Variants in CFAP20 observed in about 807,000 individuals in gnomAD.
CFAP20 encodes the protein cilia and flagella associated protein 20, also known as cilia- and flagella-associated protein 20.
Under a neutral mutation model 25.5 loss-of-function variants are expected in CFAP20, and 14 were observed. The observed-to-expected ratio is 0.55, with a 90% CI of 0.36 to 0.86. CFAP20 has a LOEUF of 0.86. Among genes scored for constraint, CFAP20 ranks in the 40% least tolerant of loss-of-function variants. The pLI is 0.01. For synonymous variants in CFAP20, 75 were observed against 91.1 expected (o/e 0.82, Z 1.01); for missense variants, 181 against 248.0 (o/e 0.73, Z 1.81).
At chr16:58,119,229 C>T (rs1371606920) in intron 1 of CFAP20, 1 of 152,180 alleles carries the variant, frequency 6.6e-6, no homozygotes, top group Non-Finnish European at 1.5e-5. Flanking sequence ...CCCACCTTTT[C>T]CACAACTGCA....
intron 1 of CFAP20, among the ~76,000 whole-genome samples, chr16:58,126,362 A>C (rs1960610799): frequency 6.6e-6 from 1 of 152,194 alleles, no homozygotes; most frequent in South Asian, 2.1e-4. Context: ...CCGGTGTGAC[A>C]AACACTAACG....
intron 1 of CFAP20, among the ~76,000 whole-genome samples, chr16:58,122,867 CTG>C (rs1960553643): frequency 6.6e-6 from 1 of 152,162 alleles, no homozygotes; most frequent in South Asian, 2.1e-4. Context: ...GCAGAAGACT[CTG>C]GTCTAATATT....
At chr16:58,115,750 A>C in intron 3 of CFAP20, 1 of 527,424 alleles carries the variant, frequency 1.9e-6, no homozygotes, top group South Asian at 2.3e-5. Context: ...AGAAATACTA[A>C]AACAGAACAG....
chr16:58,113,906 A>C lies in CFAP20; in HGVS notation c.*119T>G. 8.3e-7 allele frequency: 1 copy of C among 1,211,624 alleles called. No homozygotes were observed. Among genetic ancestry groups the C allele is most frequent in the Non-Finnish European group, 1.2e-6 (1 of 821,324 alleles). The allele number at this position is 1,211,624 out of a possible 1,614,324, so 75.1% of individuals were successfully genotyped here. On this transcript the variant is annotated 3_prime_UTR_variant, in exon 6 of 6. Transcript: ENST00000262498. ...CCATGACAAGCAACACCAAGTATAA[A>C]TAACAGAACTACAGCAGAGCAAACT... is the stretch of plus-strand genomic sequence containing the variant.
chr16:58,114,589 TC>T (rs1960431368), intron 5 of CFAP20, among the ~76,000 whole-genome samples: 1 of 151,756 alleles, frequency 6.6e-6, no homozygotes, highest in Admixed American at 6.6e-5. Context: ...AAGTGCCTCA[TC>T]CCCTCTCACC....
chr16:58,129,219 CG>C lies in CFAP20; in HGVS notation c.-105del. On this transcript the variant is annotated 5_prime_UTR_variant, in exon 1 of 6. Transcript: ENST00000262498. ...GCACAGCAGCAGGCCGGCCCTGTTC[CG>C]AAGAAGGGTGGTTGAGCTCCTGGCC... is the stretch of plus-strand genomic sequence containing the variant. 7.9e-7 allele frequency: 1 copy of C among 1,258,096 alleles called. No homozygotes were observed. The highest frequency in any genetic ancestry group is 1.1e-6 in the Non-Finnish European group (1 of 897,538). 77.9% of individuals were successfully genotyped at this position (1,258,096 alleles called of 1,614,324 possible). A position where few individuals can be genotyped will look rare whatever the true frequency, so the allele number is the denominator to read the frequency against.
In CFAP20 at chr16:58,116,953, T is replaced by C; in HGVS notation, c.85-2A>G. On this transcript the variant is annotated splice_acceptor_variant, in intron 1 of 5. Coordinates refer to ENST00000262498, the MANE Select transcript of CFAP20 (RefSeq NM_013242.3). LOFTEE classifies it high-confidence loss of function. ...TCTTTTGATGTGGCCATTCCGTACC[T>C]ACAAGAAAGAAAATTCGATTAGTAC... 6.2e-7 allele frequency: 1 copy of C among 1,613,526 alleles called. No individual in the cohort carries two copies. Among genetic ancestry groups the C allele is most frequent in the Non-Finnish European group, 8.5e-7 (1 of 1,179,460 alleles).
At position 58,114,775 on chromosome 16, in the gene CFAP20, A is replaced by G. The variant is rs756085130; in HGVS notation, c.576+35T>C. The G allele has an allele frequency of 8.5e-6, 13 of 1,532,922 alleles. No individual in the cohort carries two copies. In the African/African-American group the frequency reaches 1.8e-4, roughly 21 times the overall value. The allele number at this position is 1,532,922 out of a possible 1,614,324, so 95.0% of individuals were successfully genotyped here. Reference sequence around the variant, plus strand: ...TCCAGGAACACAGCTCCCCCCACTCACTGGTGGACCTTCCTCTGGGGAAGA... The same window carrying G: ...TCCAGGAACACAGCTCCCCCCACTCGCTGGTGGACCTTCCTCTGGGGAAGA... On this transcript the variant is annotated intron_variant, in intron 5 of 5. Transcript: ENST00000262498.
At chr16:58,128,173 C>T (rs1180622420) in intron 1 of CFAP20, among the ~76,000 whole-genome samples, 1 of 152,114 alleles carries the variant, frequency 6.6e-6, no homozygotes, top group Non-Finnish European at 1.5e-5. Flanking sequence ...TAATAAAATG[C>T]AGACCAATTC....
chr16:58,115,182 C>T lies in CFAP20; in HGVS notation c.465+87G>A, dbSNP rs759544841. On this transcript the variant is annotated intron_variant, in intron 4 of 5. Transcript: ENST00000262498. ...TGGCAACTGAAGCCAGAAACCCACACTGTTCTGCTATGTGGGCCACAAGCC... is the reference window on the plus strand; with the variant it reads ...TGGCAACTGAAGCCAGAAACCCACATTGTTCTGCTATGTGGGCCACAAGCC... The T allele has an allele frequency of 5.8e-6, 9 of 1,542,766 alleles. No homozygotes were observed. In the Admixed American group the frequency reaches 1.3e-4, roughly 23 times the overall value.
At position 58,124,144 on chromosome 16, in the gene CFAP20, AAGCAGGTGCCAG is replaced by A. The variant is rs149666765; in HGVS notation, c.84+4876_84+4887del. 4.9e-4 allele frequency among the ~76,000 whole-genome samples: 75 copies of A among 152,288 alleles called. 2 individuals carry two copies. The East Asian group carries it at 0.014, about 29-fold the overall frequency. On this transcript the variant is annotated intron_variant, in intron 1 of 5. Coordinates refer to ENST00000262498, the MANE Select transcript of CFAP20 (RefSeq NM_013242.3). ...GTGAGTCCCGCCTGGAGAACAAGTG[AAGCAGGTGCCAG>A]AGCATGGGTTATGTGGCCTTAGAGC...
chr16:58,114,108 T>C (rs188242443), intron 5 of CFAP20, 78 bp from the exon 6 acceptor site: 1 of 1,461,546 alleles, frequency 6.8e-7, no homozygotes, highest in Non-Finnish European at 9.6e-7. Context: ...GCCCCCTGCC[T>C]CTGGTGACAC....
rs1328624548 is a variant in CFAP20, at chr16:58,116,083, C to T, written c.234G>A (p.Met78Ile). ...AATACTTCTTCAGGTTTTTGATAAT[C>T]ATGACAAGGAAAGGAAGTTTAATTC... Reference protein sequence around the residue: ...TLGIKLPFLVMIIKNLKKYFT... With the variant: ...TLGIKLPFLVIIIKNLKKYFT... Residue 78 changes from methionine to isoleucine, a missense_variant, in exon 3 of 6, where the codon ATG (methionine) becomes ATA (isoleucine). Transcript: ENST00000262498. 1 of 1,613,732 alleles carries T rather than the reference C, an allele frequency of 6.2e-7. No homozygotes were observed. Among genetic ancestry groups the T allele is most frequent in the Admixed American group, 1.7e-5 (1 of 60,010 alleles).
At chr16:58,129,001 C>G in intron 1 of CFAP20, 31 bp downstream of exon 1, 1 of 1,605,144 alleles carries the variant, frequency 6.2e-7, no homozygotes, top group Non-Finnish European at 8.5e-7. Flanking sequence ...GCAGCCCCTC[C>G]ACCCCGCCCC....
At chr16:58,115,694 G>A (rs573662564) in intron 3 of CFAP20, 3 of 582,928 alleles carry the variant, frequency 5.1e-6, no homozygotes, top group African/African-American at 1.9e-5. Context: ...CAGTCAGCAG[G>A]CTCTCAGACC....
chr16:58,123,360 G>C (rs1023153059), intron 1 of CFAP20, among the ~76,000 whole-genome samples: 2 of 146,530 alleles, frequency 1.4e-5, no homozygotes, highest in Admixed American at 6.7e-5. Context: ...ACTTTGGGAG[G>C]CCAAGGCAGG....
At position 58,115,315 on chromosome 16, in the gene CFAP20, G is replaced by A. The variant is rs1960443053; in HGVS notation, c.419C>T (p.Thr140Ile). 1 of 1,614,118 alleles carries A rather than the reference G, an allele frequency of 6.2e-7. No homozygotes were observed. ...GTAATTGGTGCCGTATGCTCGCCGT[G>A]TGAAGTCTAGCAAGTTGAACTGAAT... Reference protein sequence around the residue: ...NQIQFNLLDFTRRAYGTNYIE... With the variant: ...NQIQFNLLDFIRRAYGTNYIE... The change falls in exon 4 of 6, where the codon ACA becomes ATA. Residue 140 changes from threonine to isoleucine, a missense_variant. Thr to Ile is a moderately conservative substitution (Grantham distance 89, BLOSUM62 -1). Transcript: ENST00000262498.
chr16:58,119,411 G>A (rs144777312), intron 1 of CFAP20: 1 of 152,330 alleles, frequency 6.6e-6, no homozygotes, highest in East Asian at 1.9e-4. Context: ...CATATGAATA[G>A]GTTCAAGGAG....
At chr16:58,114,779 G>T (rs779944881) in intron 5 of CFAP20, 31 bp downstream of exon 5, 2 of 1,555,014 alleles carry the variant, frequency 1.3e-6, no homozygotes, top group Non-Finnish European at 1.8e-6. Flanking sequence ...CCACTCACTG[G>T]TGGACCTTCC....
Sources: gnomAD v4.1 joint callset for allele counts (sites outside exome capture counted in the v4.1 genomes callset) on GRCh38, gnomAD v4.1.1 for gene constraint, MANE v1.5 for transcripts, NCBI Gene and HGNC (gene_info 2026-07-23, HGNC 2026-07-21) for gene names.